THRB: variants seen among roughly 807,000 people sequenced by gnomAD.
THRB encodes nuclear receptor subfamily 1 group A member 2.
In THRB, 12 loss-of-function variants were observed where a neutral mutation model predicts 47.8. The observed-to-expected ratio is 0.25, with a 90% CI of 0.16 to 0.41. The LOEUF (loss-of-function observed/expected upper bound fraction) is 0.41. Among genes scored for constraint, THRB ranks in the 10% least tolerant of loss-of-function variants. The probability of loss-of-function intolerance (pLI) is 1.00; values close to 1 mark genes in which losing one functional copy is unlikely to be tolerated. For missense variants in THRB, 348 were observed against 589.2 expected (o/e 0.59, Z 4.24); for synonymous variants, 218 against 212.2 (o/e 1.03, Z -0.24).
At chr3:24,375,477 A>ATAGTTAGACATATAATATTAATATATTG (rs2065217438) in intron 1 of THRB, among the ~76,000 whole-genome samples, 2 of 145,550 alleles carry the variant, frequency 1.4e-5, no homozygotes, top group African/African-American at 2.5e-5. Flanking sequence ...TTAATATATT[A>ATAGTTAGACATATAATATTAATATATTG]TAGTTAGACA....
At chr3:24,300,665 C>G (rs914941529) in intron 2 of THRB, among the ~76,000 whole-genome samples, 1 of 152,172 alleles carries the variant, frequency 6.6e-6, no homozygotes. Flanking sequence ...AGACTCCCCC[C>G]ATCTCTTCAT....
At chr3:24,338,253 G>A (rs7609823) in intron 1 of THRB, among the ~76,000 whole-genome samples, 49,976 of 151,952 alleles carry the variant, frequency 0.33, 10,361 homozygotes, top group African/African-American at 0.57. Context: ...TAGAAAAATT[G>A]GAGCATAGGT....
rs539461567 is a variant in THRB at position 24,445,487 on chromosome 3, C to T, written c.-261+49165G>A. ...AAAAATAATTTCCAGAGACATAACA[C>T]GCAAAGGTAGTTCATAAGCAAAATA... On this transcript the variant is annotated intron_variant, in intron 1 of 10. Transcript: ENST00000646209. Among the ~76,000 whole-genome samples, 8 of 152,094 alleles carry T rather than the reference C, an allele frequency of 5.3e-5. No individual in the cohort carries two copies. In the South Asian group the frequency reaches 6.2e-4, roughly 12 times the overall value.
intron 10 of THRB, among the ~76,000 whole-genome samples, chr3:24,123,991 C>G (rs72619910): frequency 0.047 from 7,107 of 152,254 alleles, 475 homozygotes; most frequent in African/African-American, 0.15. Flanking sequence ...AGACACTTGG[C>G]TGACAAAAAT....
intron 1 of THRB, among the ~76,000 whole-genome samples, chr3:24,427,180 A>G (rs1248718329): frequency 6.6e-6 from 1 of 151,922 alleles, no homozygotes. Context: ...ACCTTCCCTA[A>G]TCAGAAGGCT....
intron 1 of THRB, among the ~76,000 whole-genome samples, chr3:24,469,198 C>T (rs1553771856): frequency 6.6e-6 from 1 of 152,208 alleles, no homozygotes; most frequent in Non-Finnish European, 1.5e-5. Context: ...CAGGTATTCC[C>T]TGCCTCTTTA....
At chr3:24,467,028 A>C (rs762398602) in intron 1 of THRB, among the ~76,000 whole-genome samples, 25 of 152,336 alleles carry the variant, frequency 1.6e-4, no homozygotes, top group Admixed American at 3.3e-4. Context: ...ATTGGAGTCA[A>C]TTCTCTAAAA....
Position 24,284,532 on chromosome 3 carries a change from A to G in THRB, c.-43+12694T>C, listed in dbSNP as rs190249380. On this transcript the variant is annotated intron_variant, in intron 3 of 10. Transcript: ENST00000646209. ...GGACATAGGCATGGGGAAAGACTTC[A>G]TGTCTAAAACACCAAAAGCAATGTC... Among the ~76,000 whole-genome samples, 221 of 152,126 alleles carry G rather than the reference A, an allele frequency of 1.5e-3. 1 individual carries two copies. Among genetic ancestry groups the G allele is most frequent in the African/African-American group, 5.2e-3 (215 of 41,346 alleles).
Position 24,302,254 on chromosome 3 carries a change from T to C in THRB, c.-188-4883A>G, listed in dbSNP as rs539113323. Among the ~76,000 whole-genome samples the C allele has an allele frequency of 7.9e-5, 12 of 152,366 alleles. No individual in the cohort carries two copies. The South Asian group carries it at 1.9e-3, about 24-fold the overall frequency. The stretch of plus-strand genomic sequence containing the variant: ...ATCAATTTGTTTACTCCTTTGCCAA[T>C]ATCCAGTTGTTTTGATATAGTCACT... On this transcript the variant is annotated intron_variant, in intron 2 of 10. Transcript: ENST00000646209.
intron 2 of THRB, among the ~76,000 whole-genome samples, chr3:24,307,185 A>C (rs2057410744): frequency 6.6e-6 from 1 of 152,112 alleles, no homozygotes; most frequent in Non-Finnish European, 1.5e-5. Context: ...TATGCTGAAC[A>C]CTATCTGAAA....
At chr3:24,196,461 A>T (rs573963683) in intron 4 of THRB, among the ~76,000 whole-genome samples, 1 of 152,326 alleles carries the variant, frequency 6.6e-6, no homozygotes, top group African/African-American at 2.4e-5. Flanking sequence ...AAGGTCTTAG[A>T]ACAGTGTCCT....
At chr3:24,462,492 C>T (rs1480900018) in intron 1 of THRB, among the ~76,000 whole-genome samples, 1 of 152,178 alleles carries the variant, frequency 6.6e-6, no homozygotes, top group South Asian at 2.1e-4. Context: ...GAGGTCATAG[C>T]CCTGTTCTAA....
chr3:24,307,971 C>T (rs1039841236), intron 2 of THRB, among the ~76,000 whole-genome samples: 6 of 152,102 alleles, frequency 3.9e-5, no homozygotes, highest in African/African-American at 4.8e-5. Flanking sequence ...TTGTTGCCAT[C>T]GCTGCAGCCT....
intron 1 of THRB, among the ~76,000 whole-genome samples, chr3:24,438,945 T>A (rs2071256814): frequency 6.6e-6 from 1 of 151,976 alleles, no homozygotes. Flanking sequence ...AGGCTCTTAA[T>A]GGAAACACAT....
intron 5 of THRB, among the ~76,000 whole-genome samples, chr3:24,156,458 G>C (rs1032798571): frequency 1.3e-5 from 2 of 152,200 alleles, no homozygotes; most frequent in African/African-American, 2.4e-5. Flanking sequence ...CTGCCTAGGA[G>C]AGCAGAAGTA....
At chr3:24,474,021 G>A (rs1048245505) in intron 1 of THRB, among the ~76,000 whole-genome samples, 8 of 152,142 alleles carry the variant, frequency 5.3e-5, no homozygotes, top group African/African-American at 1.9e-4. Flanking sequence ...ATGACGGGTT[G>A]ATGGGTGCAG....
Position 24,242,288 on chromosome 3 carries a change from A to ATGATT in THRB, c.-42-13292_-42-13288dup, listed in dbSNP as rs2049615269. 2.6e-5 allele frequency among the ~76,000 whole-genome samples: 4 copies of ATGATT among 152,294 alleles called. No individual in the cohort carries two copies. The South Asian group carries it at 8.3e-4, about 32-fold the overall frequency. On this transcript the variant is annotated intron_variant, in intron 3 of 10. Coordinates refer to ENST00000646209, the MANE Select transcript of THRB (RefSeq NM_001354712.2). Reference sequence around the variant, plus strand: ...CTGGGAGGGGGAAGGGCATTTCTGCATGATTCTTAAATTCCATGCTCCCAG... The same window carrying ATGATT: ...CTGGGAGGGGGAAGGGCATTTCTGCATGATTTGATTCTTAAATTCCATGCTCCCAG...
Position 24,159,727 on chromosome 3 carries a change from C to CTGTGTG in THRB, c.284-7243_284-7238dup, listed in dbSNP as rs67972581. Among the ~76,000 whole-genome samples, 338 of 145,426 alleles carry CTGTGTG rather than the reference C, an allele frequency of 2.3e-3. 3 individuals carry two copies. Among genetic ancestry groups the CTGTGTG allele is most frequent in the East Asian group, 0.021 (100 of 4,782 alleles). On this transcript the variant is annotated intron_variant, in intron 5 of 10. Transcript: ENST00000646209. ...GAGACATTTTTGGTTGCCACAACTG[C>CTGTGTG]TGTGTGTGTGTGTGTGTGTGTGTGT...
chr3:24,424,317 A>AG (rs1376605650), intron 1 of THRB, among the ~76,000 whole-genome samples: 2 of 151,976 alleles, frequency 1.3e-5, no homozygotes, highest in Non-Finnish European at 2.9e-5. Flanking sequence ...CATTGTTGAA[A>AG]GAGTGTGGGC....
Sources: allele counts gnomAD v4.1 joint callset (sites outside exome capture counted in the v4.1 genomes callset), GRCh38; gene constraint gnomAD v4.1.1; transcripts MANE v1.5; gene names NCBI Gene and HGNC (gene_info 2026-07-23, HGNC 2026-07-21).